Variants in PDE10A observed in about 807,000 individuals in gnomAD.
The protein encoded by PDE10A is phosphodiesterase 10A.
Under a neutral mutation model 97.7 loss-of-function variants are expected in PDE10A, and 39 were observed. The ratio of observed to expected loss-of-function variants is 0.40; its 90% CI spans 0.31 to 0.52. The LOEUF (loss-of-function observed/expected upper bound fraction) is 0.52. Among genes scored for constraint, PDE10A ranks in the 20% least tolerant of loss-of-function variants. The pLI, the probability that PDE10A is intolerant of heterozygous loss-of-function variation, is 0.56. For synonymous variants in PDE10A, 371 were observed against 376.8 expected, an observed-to-expected ratio of 0.98 and a Z score of 0.18; for missense variants, 731 against 1,047.8, an observed-to-expected ratio of 0.70 and a Z score of 4.17.
intron 1 of PDE10A, among the ~76,000 whole-genome samples, chr6:165,944,501 C>T (rs141789600): frequency 6.1e-4 from 93 of 152,258 alleles, no homozygotes; most frequent in African/African-American, 2.1e-3. Flanking sequence ...TTCAACGTGA[C>T]GTCTTTACTG....
chr6:165,411,251 G>C (rs532944242), intron 13 of PDE10A, among the ~76,000 whole-genome samples: 1 of 152,084 alleles, frequency 6.6e-6, no homozygotes, highest in Non-Finnish European at 1.5e-5. Context: ...TGATGGGTTA[G>C]ATTGTGGCCC....
At chr6:165,450,627 C>T (rs1362440361) in intron 3 of PDE10A, among the ~76,000 whole-genome samples, 2 of 152,076 alleles carry the variant, frequency 1.3e-5, no homozygotes. Flanking sequence ...GTGGCACTAT[C>T]TCAGCTCACT....
chr6:165,964,007 C>A (rs1246242284), intron 1 of PDE10A, among the ~76,000 whole-genome samples: 1 of 152,138 alleles, frequency 6.6e-6, no homozygotes, highest in African/African-American at 2.4e-5. Flanking sequence ...CAGGTGATAC[C>A]CATGCAATCA....
At chr6:165,669,394 C>T (rs1174304989) in intron 1 of PDE10A, among the ~76,000 whole-genome samples, 3 of 152,160 alleles carry the variant, frequency 2.0e-5, no homozygotes, top group African/African-American at 7.2e-5. Context: ...TGCTTACATG[C>T]TGCACTAATA....
At chr6:165,920,362 C>T (rs555356463) in intron 1 of PDE10A, among the ~76,000 whole-genome samples, 1 of 152,300 alleles carries the variant, frequency 6.6e-6, no homozygotes, top group Non-Finnish European at 1.5e-5. Context: ...CTTGCCCTTA[C>T]TCCTTCTTTC....
chr6:165,948,966 A>T (rs942320629), intron 1 of PDE10A: 1 of 152,256 alleles, frequency 6.6e-6, no homozygotes, highest in African/African-American at 2.4e-5. Context: ...CCAGGAAGCC[A>T]TCGCATCTGT....
intron 5 of PDE10A, among the ~76,000 whole-genome samples, chr6:165,436,983 A>G (rs954391571): frequency 2.6e-5 from 4 of 152,206 alleles, no homozygotes; most frequent in African/African-American, 9.6e-5. Flanking sequence ...GAAAAATTGG[A>G]ATTGACAACG....
At chr6:165,363,913 C>G (rs1361860300) in intron 18 of PDE10A, among the ~76,000 whole-genome samples, 1 of 152,058 alleles carries the variant, frequency 6.6e-6, no homozygotes, top group Non-Finnish European at 1.5e-5. Context: ...TATTCACAGA[C>G]TTAATATTGT....
intron 1 of PDE10A, among the ~76,000 whole-genome samples, chr6:165,691,143 A>G (rs1306679267): frequency 1.0e-5 from 1 of 99,606 alleles, no homozygotes; most frequent in African/African-American, 4.2e-5. Flanking sequence ...ACATAAGCCA[A>G]TTCCTTACAG....
At chr6:165,523,582 C>A (rs983960515) in intron 2 of PDE10A, among the ~76,000 whole-genome samples, 2 of 152,082 alleles carry the variant, frequency 1.3e-5, no homozygotes, top group African/African-American at 4.8e-5. Flanking sequence ...AAGAAAGAAC[C>A]TAGACCCCAA....
At chr6:165,879,788 C>G (rs559748576) in intron 1 of PDE10A, among the ~76,000 whole-genome samples, 1 of 152,070 alleles carries the variant, frequency 6.6e-6, no homozygotes, top group Non-Finnish European at 1.5e-5. Flanking sequence ...TTTTTTGTCA[C>G]AGTTTTTAAA....
chr6:165,945,951 T>G (rs1783751710), intron 1 of PDE10A, among the ~76,000 whole-genome samples: 1 of 152,256 alleles, frequency 6.6e-6, no homozygotes, highest in Non-Finnish European at 1.5e-5. Flanking sequence ...TGTGCTATTT[T>G]TACATTTAAA....
intron 1 of PDE10A, among the ~76,000 whole-genome samples, chr6:165,984,044 G>C (rs1785103792): frequency 6.6e-6 from 1 of 152,178 alleles, no homozygotes; most frequent in Non-Finnish European, 1.5e-5. Context: ...CCAACTCCAT[G>C]GTAGTGGAGT....
At chr6:165,735,550 T>C (rs979810070) in intron 1 of PDE10A, among the ~76,000 whole-genome samples, 1 of 152,010 alleles carries the variant, frequency 6.6e-6, no homozygotes, top group Non-Finnish European at 1.5e-5. Flanking sequence ...AAGTTCAAGA[T>C]CTATAGAAAT....
rs143528662 is a variant in PDE10A at position 165,527,273 on chromosome 6, T to C, written c.994+16167A>G. On this transcript the variant is annotated intron_variant, in intron 2 of 21. Coordinates refer to ENST00000539869, the MANE Select transcript of PDE10A (RefSeq NM_001385079.1). ...TGGTTGTGTTACTCCAGCCCATTTA[T>C]TGAGTGACCCAAAAGGCTGCCAGTT... Among the ~76,000 whole-genome samples the C allele has an allele frequency of 7.0e-4, 107 of 152,334 alleles. 1 individual carries two copies. The highest frequency in any genetic ancestry group is 2.4e-3 in the African/African-American group (98 of 41,580).
At chr6:165,768,190 C>T (rs897081379) in intron 1 of PDE10A, among the ~76,000 whole-genome samples, 3 of 152,146 alleles carry the variant, frequency 2.0e-5, no homozygotes, top group Non-Finnish European at 1.5e-5. Context: ...GTACACTAGA[C>T]CCATATCAGA....
At chr6:165,583,241 G>A (rs926968390) in intron 1 of PDE10A, among the ~76,000 whole-genome samples, 3 of 152,220 alleles carry the variant, frequency 2.0e-5, no homozygotes, top group African/African-American at 7.2e-5. Flanking sequence ...CATAGCAAAT[G>A]TGTACCTGAG....
At chr6:165,715,729 G>C (rs1055019992) in intron 1 of PDE10A, among the ~76,000 whole-genome samples, 1 of 152,208 alleles carries the variant, frequency 6.6e-6, no homozygotes, top group African/African-American at 2.4e-5. Flanking sequence ...CATGTTACCT[G>C]CTGCATAGAA....
At position 165,757,701 on chromosome 6, in the gene PDE10A, T is replaced by C. The variant is rs553419055; in HGVS notation, c.-614-214133A>G. 1.3e-3 allele frequency among the ~76,000 whole-genome samples: 198 copies of C among 152,336 alleles called. 1 individual carries two copies. Among genetic ancestry groups the C allele is most frequent in the Non-Finnish European group, 2.4e-3 (166 of 68,030 alleles). ...GTTGCATTGATTTATACGTCTATAG[T>C]ATGTCTTTGTGATTCTGTTTTAATT... On this transcript the variant is annotated intron_variant, in intron 1 of 19. Transcript: ENST00000366882.
Sources: gnomAD v4.1 joint callset for allele counts (sites outside exome capture counted in the v4.1 genomes callset) on GRCh38, gnomAD v4.1.1 for gene constraint, MANE v1.5 for transcripts, NCBI Gene and HGNC (gene_info 2026-07-23, HGNC 2026-07-21) for gene names.